NARS2: variants seen among roughly 807,000 people sequenced by gnomAD.
The protein encoded by NARS2 is asparaginyl-tRNA synthetase 2, mitochondrial, also known as asparaginyl-tRNA synthetase.
NARS2 carries 60 observed loss-of-function variants against 62.9 expected under a neutral mutation model. That is an observed-to-expected ratio of 0.95 (90% confidence interval 0.77 to 1.18). The LOEUF (loss-of-function observed/expected upper bound fraction) is 1.18. NARS2 is among the 50% of genes most tolerant of loss of function. NARS2 has a pLI of 0.00. For missense variants in NARS2, 619 were observed against 576.4 expected (o/e 1.07, Z -0.76); for synonymous variants, 196 against 200.0 (o/e 0.98, Z 0.17).
At chr11:78,443,319 T>C (rs1857636346) in intron 12 of NARS2, among the ~76,000 whole-genome samples, 2 of 125,738 alleles carry the variant, frequency 1.6e-5, no homozygotes, top group African/African-American at 6.8e-5. Flanking sequence ...ACAGCAAGAC[T>C]CCGTCTCAAA....
chr11:78,457,277 A>G (rs1172088052), intron 11 of NARS2, among the ~76,000 whole-genome samples: 1 of 152,094 alleles, frequency 6.6e-6, no homozygotes, highest in African/African-American at 2.4e-5. Context: ...TGTAGATTAG[A>G]TATTTCCCCA....
At chr11:78,456,647 C>G (rs1858173424) in intron 11 of NARS2, among the ~76,000 whole-genome samples, 1 of 152,168 alleles carries the variant, frequency 6.6e-6, no homozygotes, top group Admixed American at 6.5e-5. Flanking sequence ...CTCTGGTTTG[C>G]TAAGTAATAC....
At chr11:78,572,879 G>A (rs919653829) in intron 1 of NARS2, among the ~76,000 whole-genome samples, 4 of 152,110 alleles carry the variant, frequency 2.6e-5, no homozygotes, top group Non-Finnish European at 5.9e-5. Flanking sequence ...AAATTGGTAT[G>A]TATTTTACAC....
At chr11:78,513,906 G>C (rs768762033) in intron 6 of NARS2, among the ~76,000 whole-genome samples, 24 of 151,978 alleles carry the variant, frequency 1.6e-4, no homozygotes, top group Admixed American at 4.6e-4. Context: ...TTGACGGTGG[G>C]TTCTCATGTG....
chr11:78,458,026 TAG>T (rs1858236638), intron 11 of NARS2, among the ~76,000 whole-genome samples: 1 of 152,062 alleles, frequency 6.6e-6, no homozygotes, highest in Non-Finnish European at 1.5e-5. Flanking sequence ...TATAGCTAGA[TAG>T]GAGGAATGAG....
chr11:78,493,305 G>T, intron 6 of NARS2, 110 bp from the exon 7 acceptor site: 1 of 957,692 alleles, frequency 1.0e-6, no homozygotes, highest in Non-Finnish European at 1.6e-6. Context: ...CCTCTGTCTT[G>T]TCCACAGACT....
intron 11 of NARS2, among the ~76,000 whole-genome samples, chr11:78,454,044 C>G (rs910558344): frequency 2.0e-5 from 3 of 152,180 alleles, no homozygotes; most frequent in Admixed American, 2.0e-4. Context: ...CCTTAGTGAG[C>G]TCTAAATTTC....
At chr11:78,467,883 T>G (rs1358321040) in intron 10 of NARS2, among the ~76,000 whole-genome samples, 2 of 152,072 alleles carry the variant, frequency 1.3e-5, no homozygotes, top group Non-Finnish European at 2.9e-5. Context: ...GGTCTTTCTC[T>G]GTCACCTAGG....
At chr11:78,477,290 T>C (rs1305342265) in intron 9 of NARS2, among the ~76,000 whole-genome samples, 1 of 152,192 alleles carries the variant, frequency 6.6e-6, no homozygotes, top group Admixed American at 6.5e-5. Context: ...CTATCCAACA[T>C]CTATGGCTGG....
At chr11:78,459,871 T>C (rs568554055) in intron 11 of NARS2, among the ~76,000 whole-genome samples, 1 of 152,262 alleles carries the variant, frequency 6.6e-6, no homozygotes, top group South Asian at 2.1e-4. Flanking sequence ...GGATTAAGAG[T>C]TAGTATCTCT....
chr11:78,445,139 T>C (rs769284730), intron 11 of NARS2, among the ~76,000 whole-genome samples: 99 of 152,298 alleles, frequency 6.5e-4, no homozygotes, highest in Non-Finnish European at 1.1e-3. Flanking sequence ...TATTTTAAAA[T>C]TGTTTTCCTC....
intron 2 of NARS2, among the ~76,000 whole-genome samples, chr11:78,569,678 T>C (rs1429634859): frequency 1.3e-5 from 2 of 152,234 alleles, no homozygotes; most frequent in Non-Finnish European, 2.9e-5. Context: ...TGGGGAAATC[T>C]GGTATACTTT....
intron 9 of NARS2, among the ~76,000 whole-genome samples, chr11:78,469,732 T>C (rs1858784693): frequency 6.6e-6 from 1 of 151,916 alleles, no homozygotes; most frequent in Admixed American, 6.6e-5. Flanking sequence ...TCAGCCTTCA[T>C]GGAGACAATG....
At chr11:78,504,602 T>C (rs1007952640) in intron 6 of NARS2, among the ~76,000 whole-genome samples, 5 of 152,212 alleles carry the variant, frequency 3.3e-5, no homozygotes, top group African/African-American at 4.8e-5. Flanking sequence ...ACTGAATTTA[T>C]TGGCAATTTT....
In NARS2 at chr11:78,496,052, G is replaced by T. The variant is rs145239373; in HGVS notation, c.690-2857C>A. Among the ~76,000 whole-genome samples the T allele has an allele frequency of 5.1e-3, 782 of 152,252 alleles. 4 individuals are homozygous for T. The highest frequency in any genetic ancestry group is 0.018 in the African/African-American group (757 of 41,540). ...TTATTTCAATTATAGTAAGGATCAG[G>T]CTCTGACTGAGGTATCTGAGAGTTA... On this transcript the variant is annotated intron_variant, in intron 6 of 13. Coordinates refer to ENST00000281038, the MANE Select transcript of NARS2 (RefSeq NM_024678.6).
chr11:78,519,291 C>G (rs1173062255), intron 6 of NARS2, among the ~76,000 whole-genome samples: 1 of 152,102 alleles, frequency 6.6e-6, no homozygotes, highest in Admixed American at 6.5e-5. Flanking sequence ...ATGTACCAAT[C>G]ACAAACTAAT....
intron 5 of NARS2, among the ~76,000 whole-genome samples, 184 bp downstream of exon 5, chr11:78,559,355 A>C (rs552681368): frequency 1.3e-5 from 2 of 151,868 alleles, no homozygotes; most frequent in Non-Finnish European, 2.9e-5. Flanking sequence ...ACAGCATAAG[A>C]CTGCTGGTAC....
intron 6 of NARS2, among the ~76,000 whole-genome samples, chr11:78,503,217 G>A (rs1230102145): frequency 1.3e-5 from 2 of 152,072 alleles, no homozygotes; most frequent in South Asian, 2.1e-4. Context: ...TGCTGCAAGT[G>A]TGCACTCTTA....
chr11:78,531,155 C>G (rs10751292), intron 5 of NARS2, among the ~76,000 whole-genome samples: 98,046 of 151,832 alleles, frequency 0.65, 34,930 homozygotes, highest in Non-Finnish European at 0.81. Flanking sequence ...ACAAAACTGT[C>G]AGAATCAATT....
Sources: gnomAD v4.1 joint callset for allele counts (sites outside exome capture counted in the v4.1 genomes callset) on GRCh38, gnomAD v4.1.1 for gene constraint, MANE v1.5 for transcripts, NCBI Gene and HGNC (gene_info 2026-07-23, HGNC 2026-07-21) for gene names.